RORA: variants seen among roughly 807,000 people sequenced by gnomAD.
The protein encoded by RORA is nuclear receptor ROR-alpha.
RORA carries 7 observed loss-of-function variants against 69.5 expected under a neutral mutation model. The observed-to-expected ratio is 0.10, with a 90% CI of 0.06 to 0.19. The LOEUF (loss-of-function observed/expected upper bound fraction) is 0.19. RORA is among the 10% of genes least tolerant of loss of function. The pLI, the probability that RORA is intolerant of heterozygous loss-of-function variation, is 1.00. For missense variants in RORA, 457 were observed against 663.0 expected (o/e 0.69, Z 3.41); for synonymous variants, 261 against 240.8 (o/e 1.08, Z -0.78).
intron 2 of RORA, among the ~76,000 whole-genome samples, chr15:60,614,073 A>AT (rs376742157): frequency 2.2e-4 from 33 of 152,034 alleles, no homozygotes; most frequent in African/African-American, 6.5e-4. Flanking sequence ...AAAAATGGTC[A>AT]TTTTTTTTCC....
intron 1 of RORA, among the ~76,000 whole-genome samples, chr15:61,034,871 T>C (rs767478678): frequency 2.9e-5 from 4 of 139,616 alleles, no homozygotes; most frequent in African/African-American, 5.4e-5. Flanking sequence ...CCAAGAAAAA[T>C]AAGCTACGAT....
At chr15:60,499,845 C>G in intron 10 of RORA, 47 bp downstream of exon 10, 1 of 1,042,346 alleles carries the variant, frequency 9.6e-7, no homozygotes, top group Non-Finnish European at 1.4e-6. Flanking sequence ...ATGATTTGTG[C>G]CAGGGGATAG....
chr15:60,975,977 C>A (rs946416799), intron 1 of RORA, among the ~76,000 whole-genome samples: 1 of 152,240 alleles, frequency 6.6e-6, no homozygotes, highest in Non-Finnish European at 1.5e-5. Context: ...TCCCCCTACA[C>A]TCATCTCTTC....
chr15:60,923,409 A>G (rs1378309157), intron 1 of RORA, among the ~76,000 whole-genome samples: 2 of 152,196 alleles, frequency 1.3e-5, no homozygotes, highest in Admixed American at 6.5e-5. Flanking sequence ...TGGGCCCTCA[A>G]ACAAATGTAT....
At chr15:61,148,589 CT>C (rs1399399323) in intron 1 of RORA, among the ~76,000 whole-genome samples, 1 of 152,108 alleles carries the variant, frequency 6.6e-6, no homozygotes, top group Non-Finnish European at 1.5e-5. Flanking sequence ...TAAACCACCC[CT>C]CCCTTGAAAA....
intron 2 of RORA, among the ~76,000 whole-genome samples, chr15:60,549,899 G>A (rs1393847411): frequency 6.6e-6 from 1 of 152,168 alleles, no homozygotes; most frequent in Non-Finnish European, 1.5e-5. Context: ...TGAATTGTAA[G>A]GACAACATAG....
intron 1 of RORA, among the ~76,000 whole-genome samples, chr15:60,713,773 G>T (rs1366642611): frequency 6.6e-6 from 1 of 152,106 alleles, no homozygotes; most frequent in African/African-American, 2.4e-5. Flanking sequence ...GCCAAGTTCT[G>T]GAACCTGTCA....
intron 1 of RORA, among the ~76,000 whole-genome samples, chr15:60,807,398 A>T (rs2072675177): frequency 6.6e-6 from 1 of 152,206 alleles, no homozygotes; most frequent in African/African-American, 2.4e-5. Flanking sequence ...CAAGAAAACT[A>T]CAAAACACTG....
chr15:61,027,689 A>C (rs114939999), intron 1 of RORA, among the ~76,000 whole-genome samples: 3,597 of 152,274 alleles, frequency 0.024, 153 homozygotes, highest in African/African-American at 0.084. Flanking sequence ...TCTACTTTAA[A>C]TCTTGCAATT....
intron 1 of RORA, among the ~76,000 whole-genome samples, chr15:61,121,352 A>C (rs955216109): frequency 2.0e-5 from 3 of 152,168 alleles, no homozygotes; most frequent in Non-Finnish European, 2.9e-5. Flanking sequence ...ATCTTTCCTT[A>C]AGGGAATTAC....
chr15:61,202,695 A>G (rs770379805), intron 1 of RORA, among the ~76,000 whole-genome samples: 9 of 152,124 alleles, frequency 5.9e-5, no homozygotes, highest in Non-Finnish European at 1.3e-4. Context: ...TGTAAGAAAG[A>G]CTAGAAAAAC....
At chr15:60,707,570 A>G (rs1037555210) in intron 1 of RORA, among the ~76,000 whole-genome samples, 4 of 151,870 alleles carry the variant, frequency 2.6e-5, no homozygotes, top group Non-Finnish European at 5.9e-5. Flanking sequence ...TCACCGTGTT[A>G]GCCAGGATGG....
intron 1 of RORA, among the ~76,000 whole-genome samples, chr15:61,050,225 C>T (rs747750129): frequency 4.6e-5 from 7 of 152,346 alleles, no homozygotes; most frequent in African/African-American, 1.4e-4. Context: ...TGCTTTCACA[C>T]TGCAGCCGCA....
chr15:60,825,955 T>C (rs1432429048), intron 1 of RORA, among the ~76,000 whole-genome samples: 1 of 152,232 alleles, frequency 6.6e-6, no homozygotes, highest in African/African-American at 2.4e-5. Context: ...TCCTTTGGGC[T>C]TCAAAGCCCT....
intron 1 of RORA, among the ~76,000 whole-genome samples, chr15:61,141,921 C>T (rs576769194): frequency 3.3e-4 from 50 of 152,230 alleles, no homozygotes; most frequent in African/African-American, 1.1e-3. Context: ...GGAAAGAGAG[C>T]CTGATGCCTG....
chr15:60,808,988 A>C (rs1029543904), intron 1 of RORA, among the ~76,000 whole-genome samples: 4 of 152,136 alleles, frequency 2.6e-5, no homozygotes, highest in African/African-American at 9.7e-5. Context: ...ACAAAGGCAT[A>C]AGAATGACAC....
chr15:60,523,069 A>G (rs1294418523), intron 3 of RORA, among the ~76,000 whole-genome samples: 5 of 151,968 alleles, frequency 3.3e-5, no homozygotes, highest in African/African-American at 4.8e-5. Context: ...AAACTGATGA[A>G]AATTATAATA....
chr15:60,822,556 G>A (rs2072906402), intron 1 of RORA, among the ~76,000 whole-genome samples: 1 of 152,212 alleles, frequency 6.6e-6, no homozygotes, highest in Non-Finnish European at 1.5e-5. Flanking sequence ...CATTGCAACT[G>A]GGGATTTGTG....
Position 61,226,414 on chromosome 15 carries a change from C to A in RORA, c.166+2639G>T, listed in dbSNP as rs1028722985. On this transcript the variant is annotated intron_variant, in intron 1 of 10. Transcript: ENST00000335670. The surrounding 1 kb of genome is among the most constrained non-coding windows in gnomAD (Gnocchi z 4.2). ...AATCACCTAGTGTGTAGGTTAATTTCTTTCCGATATTGTAATTTATGCAAC... is the reference window on the plus strand; with the variant it reads ...AATCACCTAGTGTGTAGGTTAATTTATTTCCGATATTGTAATTTATGCAAC... Among the ~76,000 whole-genome samples the A allele has an allele frequency of 6.6e-6, 1 of 152,176 alleles. No homozygotes were observed. The highest frequency in any genetic ancestry group is 2.4e-5 in the African/African-American group (1 of 41,430).
Sources: allele counts gnomAD v4.1 joint callset (sites outside exome capture counted in the v4.1 genomes callset), GRCh38; gene constraint gnomAD v4.1.1; non-coding constraint Gnocchi (gnomAD v3.1); transcripts MANE v1.5; gene names NCBI Gene and HGNC (gene_info 2026-07-23, HGNC 2026-07-21).